Variants in PHACTR3 observed in about 807,000 individuals in gnomAD.
PHACTR3 encodes the protein protein phosphatase 1, regulatory subunit 123.
In PHACTR3, 16 loss-of-function variants were observed where a neutral mutation model predicts 66.8. The observed-to-expected ratio is 0.24, with a 90% CI of 0.16 to 0.36. PHACTR3 has a LOEUF of 0.36. Among genes scored for constraint, PHACTR3 ranks in the 10% least tolerant of loss-of-function variants. PHACTR3 has a pLI of 1.00. For missense variants in PHACTR3, 647 were observed against 719.9 expected (o/e 0.90, Z 1.16); for synonymous variants, 323 against 292.1 (o/e 1.11, Z -1.08).
chr20:59,686,553 GAT>G (rs2036868575), intron 1 of PHACTR3, among the ~76,000 whole-genome samples: 1 of 151,928 alleles, frequency 6.6e-6, no homozygotes, highest in African/African-American at 2.4e-5. Flanking sequence ...TCGTGATGAT[GAT>G]GGTGATGATG....
At chr20:59,686,965 G>A (rs1160945752) in intron 1 of PHACTR3, among the ~76,000 whole-genome samples, 3 of 146,912 alleles carry the variant, frequency 2.0e-5, no homozygotes, top group Non-Finnish European at 4.5e-5. Flanking sequence ...GATGATGATG[G>A]TGATTGTGAT....
At chr20:59,805,352 CA>C (rs1278477231) in intron 7 of PHACTR3, among the ~76,000 whole-genome samples, 1 of 152,250 alleles carries the variant, frequency 6.6e-6, no homozygotes, top group African/African-American at 2.4e-5. Context: ...GCCATCTCCA[CA>C]CCCTGCTAGG....
At chr20:59,634,799 G>T (rs1016147770) in intron 1 of PHACTR3, among the ~76,000 whole-genome samples, 6 of 152,226 alleles carry the variant, frequency 3.9e-5, no homozygotes, top group Non-Finnish European at 7.3e-5. Context: ...GGATTGCGCC[G>T]CTGGCCGCAG....
chr20:59,795,715 A>G (rs568280857), intron 7 of PHACTR3, among the ~76,000 whole-genome samples: 17 of 152,204 alleles, frequency 1.1e-4, no homozygotes, highest in African/African-American at 4.1e-4. Context: ...AATTGATTTC[A>G]TCATTGTATA....
At chr20:59,762,874 C>T (rs369425315) in intron 4 of PHACTR3, among the ~76,000 whole-genome samples, 4 of 152,254 alleles carry the variant, frequency 2.6e-5, no homozygotes, top group East Asian at 1.9e-4. Flanking sequence ...AAGTAGAGTT[C>T]GTGAGACTTG....
At chr20:59,582,658 G>A (rs1253767038) in intron 1 of PHACTR3, among the ~76,000 whole-genome samples, 4 of 152,250 alleles carry the variant, frequency 2.6e-5, no homozygotes, top group East Asian at 3.9e-4. Context: ...AATTTGCATT[G>A]CCTTGATTGC....
chr20:59,651,858 TAGGTAGG>T (rs2035470537), intron 1 of PHACTR3, among the ~76,000 whole-genome samples: 1 of 151,684 alleles, frequency 6.6e-6, no homozygotes, highest in Non-Finnish European at 1.5e-5. Flanking sequence ...GGTAGGTAGG[TAGGTAGG>T]TAGGTAGGTA....
At chr20:59,622,002 T>C (rs892382680) in intron 1 of PHACTR3, among the ~76,000 whole-genome samples, 3 of 152,244 alleles carry the variant, frequency 2.0e-5, no homozygotes, top group African/African-American at 7.2e-5. Context: ...CAGCTTTTTC[T>C]GCTTATTTTT....
intron 6 of PHACTR3, 134 bp from the exon 7 acceptor site, chr20:59,774,108 TC>T: frequency 8.9e-7 from 1 of 1,123,780 alleles, no homozygotes; most frequent in Non-Finnish European, 1.3e-6. Context: ...TTCTGGTGTG[TC>T]CAGGATAAAA....
intron 3 of PHACTR3, among the ~76,000 whole-genome samples, chr20:59,751,994 G>A (rs537628887): frequency 1.3e-5 from 2 of 152,286 alleles, no homozygotes; most frequent in Non-Finnish European, 2.9e-5. Context: ...TGTATGCGTT[G>A]ACTTGGCATT....
intron 11 of PHACTR3, 58 bp downstream of exon 11, chr20:59,841,593 G>C (rs555925808): frequency 3.2e-6 from 5 of 1,545,712 alleles, no homozygotes; most frequent in Non-Finnish European, 2.6e-6. Flanking sequence ...GGCAAAATAT[G>C]TCATGCCAGG....
At chr20:59,759,903 G>A (rs2039937081) in intron 4 of PHACTR3, among the ~76,000 whole-genome samples, 1 of 152,116 alleles carries the variant, frequency 6.6e-6, no homozygotes. Context: ...CCTTGACCTT[G>A]GACAAGTTCA....
chr20:59,772,330 T>A (rs12625299), intron 5 of PHACTR3, among the ~76,000 whole-genome samples: 10,556 of 152,216 alleles, frequency 0.069, 837 homozygotes, highest in East Asian at 0.38. Flanking sequence ...CACAAGTGTT[T>A]ATTGCCCGTG....
chr20:59,801,675 A>G (rs970218370), intron 7 of PHACTR3, among the ~76,000 whole-genome samples: 1 of 152,222 alleles, frequency 6.6e-6, no homozygotes, highest in Admixed American at 6.5e-5. Context: ...TTGAGTTTGT[A>G]TATGGCAACA....
chr20:59,708,787 C>T (rs2037811018), intron 1 of PHACTR3, among the ~76,000 whole-genome samples: 1 of 152,184 alleles, frequency 6.6e-6, no homozygotes, highest in South Asian at 2.1e-4. Context: ...CCATCAAACA[C>T]CTAAGATTTA....
At chr20:59,781,502 G>A (rs2040724823) in intron 7 of PHACTR3, among the ~76,000 whole-genome samples, 2 of 152,236 alleles carry the variant, frequency 1.3e-5, no homozygotes, top group South Asian at 4.1e-4. Flanking sequence ...TTGTCAGGTT[G>A]TCCTGGGGGC....
rs1454584373 is a variant in PHACTR3, at chr20:59,830,700, C to T, written c.1329-5805C>T. On this transcript the variant is annotated intron_variant, in intron 8 of 12. Coordinates refer to ENST00000371015, the MANE Select transcript of PHACTR3 (RefSeq NM_080672.5). The surrounding 1 kb of genome is among the most constrained non-coding windows in gnomAD (Gnocchi z 5.8). ...ATGATGCCACCTATTTGTGTGTCAACCTCCTCCTGTATTTAGTGTTCTCGA... is the reference window on the plus strand; with the variant it reads ...ATGATGCCACCTATTTGTGTGTCAATCTCCTCCTGTATTTAGTGTTCTCGA... Among the ~76,000 whole-genome samples the T allele has an allele frequency of 6.6e-6, 1 of 152,164 alleles. No individual in the cohort carries two copies.
intron 6 of PHACTR3, 118 bp downstream of exon 6, chr20:59,773,571 C>T: frequency 1.8e-6 from 2 of 1,088,962 alleles, no homozygotes; most frequent in Non-Finnish European, 2.5e-6. Context: ...TCTACAGTCA[C>T]TTTCTGAACA....
chr20:59,843,859 A>G (rs1188752905), intron 11 of PHACTR3: 1 of 152,136 alleles, frequency 6.6e-6, no homozygotes, highest in Non-Finnish European at 1.5e-5. Context: ...GCTTCTACAC[A>G]ACAAATCAAC....
Sources: gnomAD v4.1 joint callset for allele counts (sites outside exome capture counted in the v4.1 genomes callset) on GRCh38, gnomAD v4.1.1 for gene constraint, Gnocchi (gnomAD v3.1) non-coding constraint, MANE v1.5 for transcripts, NCBI Gene and HGNC (gene_info 2026-07-23, HGNC 2026-07-21) for gene names.